Variants in SIK2 observed in about 807,000 individuals in gnomAD.
SIK2 encodes the protein serine/threonine-protein kinase SIK2.
A neutral mutation model predicts 103.2 loss-of-function variants in SIK2; 29 were observed. The observed-to-expected ratio is 0.28, with a 90% CI of 0.21 to 0.38. SIK2 has a LOEUF of 0.38. Among genes scored for constraint, SIK2 ranks in the 10% least tolerant of loss-of-function variants. SIK2 has a pLI of 1.00. For synonymous variants in SIK2, 412 were observed against 446.1 expected, an observed-to-expected ratio of 0.92 and a Z score of 0.96; for missense variants, 879 against 1,171.0, an observed-to-expected ratio of 0.75 and a Z score of 3.64.
rs1944036221 is a variant in SIK2, at chr11:111,728,122, A to G, written c.*3993A>G. 1.3e-5 allele frequency: 2 copies of G among 151,722 alleles called. No homozygotes were observed. Among genetic ancestry groups the G allele is most frequent in the Admixed American group, 6.6e-5 (1 of 15,242 alleles). 9.4% of individuals were successfully genotyped at this position (151,722 alleles called of 1,614,324 possible). ...GCCAGGGCTGACCTGCTACACTCAA[A>G]CTCCTAAACTGGGCTGCCTCTAACT... On this transcript the variant is annotated 3_prime_UTR_variant, in exon 15 of 15. Transcript: ENST00000304987.
intron 3 of SIK2, among the ~76,000 whole-genome samples, chr11:111,679,516 AG>A (rs1942749946): frequency 6.6e-6 from 1 of 152,248 alleles, no homozygotes; most frequent in South Asian, 2.1e-4. Flanking sequence ...AACAGAGAAA[AG>A]CAAAGTGTTT....
Position 111,722,197 on chromosome 11 carries a change from T to G in SIK2, c.2055+257T>G, listed in dbSNP as rs899124526. On this transcript the variant is annotated intron_variant, in intron 13 of 14. Coordinates refer to ENST00000304987, the MANE Select transcript of SIK2 (RefSeq NM_015191.3). The surrounding 1 kb of genome is among the most constrained non-coding windows in gnomAD (Gnocchi z 4.4). ...CACTGAGGGGTGGGAACGGGAGACC[T>G]GGCTTCTTTCTTTCTAATTGTATTC... Among the ~76,000 whole-genome samples the G allele has an allele frequency of 2.6e-5, 4 of 152,222 alleles. No individual in the cohort carries two copies. The highest frequency in any genetic ancestry group is 4.4e-5 in the Non-Finnish European group (3 of 68,026).
chr11:111,631,073 T>C (rs1942030951), intron 3 of SIK2, among the ~76,000 whole-genome samples: 3 of 152,068 alleles, frequency 2.0e-5, no homozygotes, highest in African/African-American at 7.2e-5. Flanking sequence ...GAGGGAATGA[T>C]TAGTTTAGAA....
At chr11:111,644,922 C>T (rs1234711012) in intron 3 of SIK2, among the ~76,000 whole-genome samples, 3 of 152,260 alleles carry the variant, frequency 2.0e-5, no homozygotes, top group Non-Finnish European at 4.4e-5. Context: ...ATTTATTCTT[C>T]TAGTAATTCA....
rs1943897834 is a variant in SIK2, at chr11:111,724,204, T to G, written c.*75T>G. The G allele has an allele frequency of 6.6e-7, 1 of 1,518,046 alleles. No individual in the cohort carries two copies. Among genetic ancestry groups the G allele is most frequent in the Non-Finnish European group, 8.8e-7 (1 of 1,138,804 alleles). The allele number at this position is 1,518,046 out of a possible 1,614,324, so 94.0% of individuals were successfully genotyped here. ...CTATTTTTATTCCAGCCTTTTAAAT[T>G]TAAAGCTTATTTTCTTGCCCTCTCC... On this transcript the variant is annotated 3_prime_UTR_variant, in exon 15 of 15. Transcript: ENST00000304987.
rs1942101280 is a variant in SIK2, at chr11:111,635,745, C to T, written c.316+15343C>T. On this transcript the variant is annotated intron_variant, in intron 3 of 14. Transcript: ENST00000304987. ...AATGCAGTCCATTTTTCCTGGTAAC[C>T]TCCATTTTAGATTTCAGCTATCTCC... is the stretch of plus-strand genomic sequence containing the variant. Among the ~76,000 whole-genome samples, 3 of 152,102 alleles carry T rather than the reference C, an allele frequency of 2.0e-5. No homozygotes were observed. In the South Asian group the frequency reaches 6.2e-4, roughly 32 times the overall value.
intron 3 of SIK2, among the ~76,000 whole-genome samples, chr11:111,631,185 G>A (rs1942032405): frequency 6.6e-6 from 1 of 152,164 alleles, no homozygotes; most frequent in Admixed American, 6.6e-5. Flanking sequence ...CTTTGTGGTA[G>A]AATAGAAGGA....
At chr11:111,650,835 T>C (rs1942317416) in intron 3 of SIK2, among the ~76,000 whole-genome samples, 1 of 152,178 alleles carries the variant, frequency 6.6e-6, no homozygotes, top group South Asian at 2.1e-4. Flanking sequence ...CAAAGTGAGC[T>C]CTACTTTAAT....
intron 3 of SIK2, among the ~76,000 whole-genome samples, chr11:111,681,495 C>G (rs1942777180): frequency 6.6e-6 from 1 of 152,076 alleles, no homozygotes; most frequent in Non-Finnish European, 1.5e-5. Context: ...AATATGTTGC[C>G]TATGCTGGTC....
chr11:111,710,484 T>C (rs1018820832), intron 8 of SIK2, among the ~76,000 whole-genome samples: 3 of 152,216 alleles, frequency 2.0e-5, no homozygotes, highest in Non-Finnish European at 4.4e-5. Context: ...TATTCAAATA[T>C]AAAATATATT....
At chr11:111,685,867 A>C (rs535388187) in intron 3 of SIK2, among the ~76,000 whole-genome samples, 5 of 151,830 alleles carry the variant, frequency 3.3e-5, no homozygotes, top group African/African-American at 1.2e-4. Flanking sequence ...TAAATAAACA[A>C]ATAAAATAAA....
intron 3 of SIK2, among the ~76,000 whole-genome samples, chr11:111,643,108 T>A (rs1942206705): frequency 6.6e-6 from 1 of 152,134 alleles, no homozygotes; most frequent in African/African-American, 2.4e-5. Flanking sequence ...TTATTATTGG[T>A]TTATGTATCT....
chr11:111,713,355 T>A (rs1408799083), intron 9 of SIK2, among the ~76,000 whole-genome samples: 1 of 151,974 alleles, frequency 6.6e-6, no homozygotes, highest in African/African-American at 2.4e-5. Flanking sequence ...AAAACACAGG[T>A]CTTGGAGCGT....
chr11:111,602,846 C>A lies in SIK2; in HGVS notation c.135+148C>A, dbSNP rs1941601977. The A allele has an allele frequency of 2.5e-6, 3 of 1,202,602 alleles. No individual in the cohort carries two copies. Among genetic ancestry groups the A allele is most frequent in the Non-Finnish European group, 3.3e-6 (3 of 923,058 alleles). 74.5% of individuals were successfully genotyped at this position (1,202,602 alleles called of 1,614,324 possible). On this transcript the variant is annotated intron_variant, in intron 1 of 14. Transcript: ENST00000304987. The surrounding 1 kb of genome is among the most constrained non-coding windows in gnomAD (Gnocchi z 4.5). The stretch of plus-strand genomic sequence containing the variant: ...CGAGCGGGCCTGGGACTGTGAGGAC[C>A]CAGGAGGTGCAGGGGGTCGGTGAGC...
intron 3 of SIK2, among the ~76,000 whole-genome samples, chr11:111,675,908 C>G (rs887420549): frequency 6.6e-6 from 1 of 152,212 alleles, no homozygotes. Flanking sequence ...TCGTCCCACC[C>G]TCCACCCTCA....
chr11:111,630,347 A>G (rs989384265), intron 3 of SIK2, among the ~76,000 whole-genome samples: 2 of 152,170 alleles, frequency 1.3e-5, no homozygotes, highest in Non-Finnish European at 2.9e-5. Flanking sequence ...GGGACAAGAG[A>G]GAACTATCTT....
intron 8 of SIK2, among the ~76,000 whole-genome samples, chr11:111,707,301 T>C (rs1268462459): frequency 2.0e-5 from 3 of 152,228 alleles, no homozygotes; most frequent in Non-Finnish European, 4.4e-5. Flanking sequence ...AGCACGTGCA[T>C]GTGTTATTGT....
In SIK2 at chr11:111,727,150, A is replaced by T; in HGVS notation, c.*3021A>T. 1 of 1,038,874 alleles carries T rather than the reference A, an allele frequency of 9.6e-7. No individual in the cohort carries two copies. Among genetic ancestry groups the T allele is most frequent in the Non-Finnish European group, 1.5e-6 (1 of 673,720 alleles). The allele number at this position is 1,038,874 out of a possible 1,614,324, so 64.4% of individuals were successfully genotyped here. A position where few individuals can be genotyped will look rare whatever the true frequency, so the allele number is the denominator to read the frequency against. On this transcript the variant is annotated 3_prime_UTR_variant, in exon 15 of 15. Coordinates refer to ENST00000304987, the MANE Select transcript of SIK2 (RefSeq NM_015191.3). ...GACCGTCCCCAGCTGCCCCCTCGCC[A>T]CCTCTGCCTGCACTGCCTTCTGTCA...
chr11:111,680,698 G>A (rs982333746), intron 3 of SIK2, among the ~76,000 whole-genome samples: 1 of 152,140 alleles, frequency 6.6e-6, no homozygotes, highest in Non-Finnish European at 1.5e-5. Context: ...CCACTTCTTT[G>A]ATAAGATGCT....
Sources: gnomAD v4.1 joint callset for allele counts (sites outside exome capture counted in the v4.1 genomes callset) on GRCh38, gnomAD v4.1.1 for gene constraint, Gnocchi (gnomAD v3.1) non-coding constraint, MANE v1.5 for transcripts, NCBI Gene and HGNC (gene_info 2026-07-23, HGNC 2026-07-21) for gene names.